EVA1C: variants seen among roughly 807,000 people sequenced by gnomAD.
EVA1C encodes the protein eva-1 homolog C, also known as protein eva-1 homolog C.
Under a neutral mutation model 45.4 loss-of-function variants are expected in EVA1C, and 25 were observed. That is an observed-to-expected ratio of 0.55 (90% CI 0.40 to 0.77). The LOEUF (loss-of-function observed/expected upper bound fraction) is 0.77, where lower values mean the gene tolerates loss of function less well. Among genes scored for constraint, EVA1C ranks in the 30% least tolerant of loss-of-function variants. EVA1C has a pLI of 0.00. For synonymous variants in EVA1C, 190 were observed against 221.2 expected, an observed-to-expected ratio of 0.86 and a Z score of 1.25; for missense variants, 479 against 554.8, an observed-to-expected ratio of 0.86 and a Z score of 1.37.
chr21:32,413,093 A>G, intron 1 of EVA1C, 80 bp downstream of exon 1: 2 of 1,190,752 alleles, frequency 1.7e-6, no homozygotes, highest in East Asian at 3.2e-5. Flanking sequence ...CAGCCGCACC[A>G]GTGGACACGG....
At position 32,462,427 on chromosome 21, in the gene EVA1C, ACTAT is replaced by A. The variant is rs994242867; in HGVS notation, c.481+4711_481+4714del. On this transcript the variant is annotated intron_variant, in intron 3 of 7. Transcript: ENST00000300255. ...GAAATAATAAAAATAAATAAAAGTG[ACTAT>A]CTACATTTCAGCATCACTATGCACT... 5.9e-5 allele frequency among the ~76,000 whole-genome samples: 9 copies of A among 152,188 alleles called. No individual in the cohort carries two copies. In the East Asian group the frequency reaches 7.7e-4, roughly 13 times the overall value.
chr21:32,449,980 C>A (rs907082472), intron 1 of EVA1C, among the ~76,000 whole-genome samples: 2 of 152,124 alleles, frequency 1.3e-5, no homozygotes, highest in Non-Finnish European at 2.9e-5. Flanking sequence ...GTACTGCTGA[C>A]GTGTCTTCTT....
intron 2 of EVA1C, among the ~76,000 whole-genome samples, chr21:32,454,215 C>T (rs562479241): frequency 2.6e-4 from 40 of 152,146 alleles, no homozygotes; most frequent in Middle Eastern, 3.4e-3. Flanking sequence ...GGCAACAGAG[C>T]GAGACTCCAT....
chr21:32,437,657 G>A (rs574317590), intron 1 of EVA1C, among the ~76,000 whole-genome samples: 19 of 152,116 alleles, frequency 1.2e-4, no homozygotes, highest in Non-Finnish European at 2.8e-4. Flanking sequence ...TGCTACTTGA[G>A]GGTGATTTCC....
intron 6 of EVA1C, among the ~76,000 whole-genome samples, chr21:32,503,233 ATCAAAT>A (rs1222181087): frequency 1.3e-5 from 2 of 152,196 alleles, no homozygotes; most frequent in Non-Finnish European, 2.9e-5. Flanking sequence ...CACAGCAGAC[ATCAAAT>A]CCATGCTTAA....
intron 5 of EVA1C, among the ~76,000 whole-genome samples, chr21:32,498,170 G>A (rs947003060): frequency 3.9e-5 from 6 of 152,318 alleles, no homozygotes; most frequent in Non-Finnish European, 8.8e-5. Flanking sequence ...GACACGGCCA[G>A]GTGCGGTGGC....
chr21:32,437,626 G>A (rs1393842338), intron 1 of EVA1C, among the ~76,000 whole-genome samples: 1 of 152,138 alleles, frequency 6.6e-6, no homozygotes, highest in Non-Finnish European at 1.5e-5. Flanking sequence ...AGCTCCCTCT[G>A]AGCCTTTGCA....
intron 7 of EVA1C, among the ~76,000 whole-genome samples, chr21:32,513,546 C>CT (rs2038031892): frequency 1.0e-5 from 1 of 100,294 alleles, no homozygotes; most frequent in East Asian, 3.2e-4. Flanking sequence ...TAATATTTTT[C>CT]TTTTCTTTTT....
intron 1 of EVA1C, among the ~76,000 whole-genome samples, chr21:32,435,070 G>T (rs2034887075): frequency 6.6e-6 from 1 of 152,284 alleles, no homozygotes; most frequent in Non-Finnish European, 1.5e-5. Flanking sequence ...GGTCACTTGA[G>T]ATAATAAAAC....
intron 4 of EVA1C, among the ~76,000 whole-genome samples, chr21:32,488,832 C>T (rs762702799): frequency 6.7e-6 from 1 of 150,274 alleles, no homozygotes; most frequent in Non-Finnish European, 1.5e-5. Context: ...GTGATCCGCC[C>T]ACCTTGGCCT....
intron 1 of EVA1C, among the ~76,000 whole-genome samples, chr21:32,439,053 T>G (rs2035074587): frequency 6.7e-6 from 1 of 150,202 alleles, no homozygotes; most frequent in African/African-American, 2.5e-5. Flanking sequence ...CTGGCCAACA[T>G]GGTGAAACTC....
At chr21:32,447,296 G>C (rs138434022) in intron 1 of EVA1C, among the ~76,000 whole-genome samples, 2 of 152,010 alleles carry the variant, frequency 1.3e-5, no homozygotes, top group East Asian at 3.9e-4. Context: ...TTGAACCAGG[G>C]AGGTGGAGGT....
In EVA1C at chr21:32,467,728, C is replaced by T; in HGVS notation, c.514C>T (p.Gln172Ter). 6.2e-7 allele frequency: 1 copy of T among 1,610,096 alleles called. No individual in the cohort carries two copies. Among genetic ancestry groups the T allele is most frequent in the Non-Finnish European group, 8.5e-7 (1 of 1,178,470 alleles). ...AAAAAACAAAACCGTGTGTGAAGAC[C>T]AGGAGCTGAAACTGCACTGCCATGA... The part of the protein sequence containing the change: ...ELKNKTVCED[Q>*]ELKLHCHESK... Residue 172 changes from glutamine (Q) to a stop codon, truncating the protein, a stop_gained, in exon 4 of 8, where the codon CAG (glutamine) becomes TAG (stop). Transcript: ENST00000300255. LOFTEE classifies it high-confidence loss of function.
intron 4 of EVA1C, among the ~76,000 whole-genome samples, chr21:32,480,302 T>TAAA (rs56902183): frequency 1.9e-5 from 2 of 105,188 alleles, no homozygotes; most frequent in East Asian, 6.3e-4. Flanking sequence ...CCCTGTCTCT[T>TAAA]AAAAAAAAAA....
intron 1 of EVA1C, among the ~76,000 whole-genome samples, chr21:32,449,522 T>C (rs550939510): frequency 1.3e-5 from 2 of 152,248 alleles, no homozygotes; most frequent in Non-Finnish European, 2.9e-5. Flanking sequence ...TTAAGGTTTC[T>C]CCATGTCTTT....
intron 1 of EVA1C, among the ~76,000 whole-genome samples, chr21:32,418,961 G>T (rs200782958): frequency 6.6e-6 from 1 of 152,052 alleles, no homozygotes; most frequent in Non-Finnish European, 1.5e-5. Flanking sequence ...TTGCCTATTG[G>T]TTTTCCATCT....
intron 1 of EVA1C, among the ~76,000 whole-genome samples, chr21:32,430,784 C>A (rs2034668562): frequency 6.6e-6 from 1 of 151,920 alleles, no homozygotes; most frequent in South Asian, 2.1e-4. Context: ...ACTAGCCTGG[C>A]CAACATGTTG....
chr21:32,448,850 A>C lies in EVA1C; in HGVS notation c.161-4462A>C, dbSNP rs111254123. On this transcript the variant is annotated intron_variant, in intron 1 of 7. Coordinates refer to ENST00000300255, the MANE Select transcript of EVA1C (RefSeq NM_058187.5). ...CTTGAATCTGGGAGGTGGAGGTTGC[A>C]GTGGGCTGAGATCTTACCACTGTAT... Among the ~76,000 whole-genome samples the C allele has an allele frequency of 1.9e-3, 291 of 151,328 alleles. 2 individuals are homozygous for C. The highest frequency in any genetic ancestry group is 6.8e-3 in the African/African-American group (279 of 41,118).
intron 6 of EVA1C, among the ~76,000 whole-genome samples, chr21:32,502,040 CTTTCTT>C: frequency 9.8e-6 from 1 of 101,640 alleles, no homozygotes; most frequent in South Asian, 3.2e-4. Flanking sequence ...TTCTTTCTTT[CTTTCTT>C]TCTTTCTTCT....
Sources: allele counts gnomAD v4.1 joint callset (sites outside exome capture counted in the v4.1 genomes callset), GRCh38; gene constraint gnomAD v4.1.1; transcripts MANE v1.5; gene names NCBI Gene and HGNC (gene_info 2026-07-23, HGNC 2026-07-21).